FAM216A: variants seen among roughly 807,000 people sequenced by gnomAD.
FAM216A encodes family with sequence similarity 216 member A.
In FAM216A, 26 loss-of-function variants were observed where a neutral mutation model predicts 37.6. The ratio of observed to expected loss-of-function variants is 0.69; its 90% CI spans 0.51 to 0.96. The LOEUF is 0.96. FAM216A is among the 40% of genes least tolerant of loss of function. FAM216A has a pLI of 0.00. For missense variants in FAM216A, 326 were observed against 339.3 expected, an observed-to-expected ratio of 0.96 and a Z score of 0.31; for synonymous variants, 110 against 121.7, an observed-to-expected ratio of 0.90 and a Z score of 0.64.
chr12:110,470,406 T>G (rs2062678311), intron 1 of FAM216A, among the ~76,000 whole-genome samples: 1 of 151,962 alleles, frequency 6.6e-6, no homozygotes, highest in Non-Finnish European at 1.5e-5. Context: ...GATGGAGTCT[T>G]GGGTTTCTTT....
At chr12:110,483,134 G>A (rs547994489) in intron 2 of FAM216A, among the ~76,000 whole-genome samples, 2 of 151,596 alleles carry the variant, frequency 1.3e-5, no homozygotes, top group East Asian at 3.9e-4. Context: ...GACCATACTG[G>A]CTAACACAGT....
Position 110,490,149 on chromosome 12 carries a change from C to T in FAM216A, c.*12C>T, listed in dbSNP as rs201575705. On this transcript the variant is annotated 3_prime_UTR_variant, in exon 7 of 7. Coordinates refer to ENST00000377673, the MANE Select transcript of FAM216A (RefSeq NM_013300.3). The stretch of plus-strand genomic sequence containing the variant: ...TGATGTTAACTTGACAGTCTTGTCT[C>T]GTGTATTGAATTCGTGCCAAAGGTG... 2.4e-5 allele frequency: 31 copies of T among 1,315,388 alleles called. No individual in the cohort carries two copies. The highest frequency in any genetic ancestry group is 3.7e-4 in the Middle Eastern group (2 of 5,478). 81.5% of individuals were successfully genotyped at this position (1,315,388 alleles called of 1,614,324 possible).
chr12:110,475,684 G>A (rs372622166), intron 2 of FAM216A, among the ~76,000 whole-genome samples: 53 of 146,354 alleles, frequency 3.6e-4, no homozygotes, highest in African/African-American at 1.1e-3. Context: ...TGATCCTCTC[G>A]CCTCAGCTTC....
Position 110,485,058 on chromosome 12 carries a change from C to A in FAM216A, c.185-20C>A. On this transcript the variant is annotated intron_variant, in intron 2 of 6. Transcript: ENST00000377673. ...AACTGATCTTTGCCTCTGAAATTCA[C>A]ATGATGTCTTTGCCTACAGATAGAA... 1 of 1,592,026 alleles carries A rather than the reference C, an allele frequency of 6.3e-7. No individual in the cohort carries two copies. The highest frequency in any genetic ancestry group is 1.1e-5 in the South Asian group (1 of 86,964).
rs538743186 is a variant in FAM216A at position 110,480,752 on chromosome 12, C to T, written c.185-4326C>T. On this transcript the variant is annotated intron_variant, in intron 2 of 6. Coordinates refer to ENST00000377673, the MANE Select transcript of FAM216A (RefSeq NM_013300.3). ...ACTCCGTACCTATAAAACACTAACTCTCAGGTGGGTGCAGTGGCTCGTGTG... is the reference window on the plus strand; with the variant it reads ...ACTCCGTACCTATAAAACACTAACTTTCAGGTGGGTGCAGTGGCTCGTGTG... Among the ~76,000 whole-genome samples, 57 of 152,162 alleles carry T rather than the reference C, an allele frequency of 3.7e-4. 2 individuals are homozygous for T. Among genetic ancestry groups the T allele is most frequent in the Admixed American group, 3.3e-3 (50 of 15,276 alleles).
At chr12:110,474,757 T>G (rs2062706088) in intron 2 of FAM216A, among the ~76,000 whole-genome samples, 1 of 148,070 alleles carries the variant, frequency 6.8e-6, no homozygotes, top group South Asian at 2.1e-4. Context: ...ATCCCAGCAC[T>G]TTGGGAGGCT....
At chr12:110,486,296 AC>A in intron 3 of FAM216A, 28 bp from the exon 4 acceptor site, 1 of 1,559,124 alleles carries the variant, frequency 6.4e-7, no homozygotes, top group Non-Finnish European at 8.7e-7. Flanking sequence ...TACAATGCAG[AC>A]TATAAATCCT....
rs749507270 is a variant in FAM216A at position 110,487,861 on chromosome 12, G to A, written c.621G>A (p.Gly207=). 23 of 1,577,258 alleles carry A rather than the reference G, an allele frequency of 1.5e-5. No individual in the cohort carries two copies. Among genetic ancestry groups the A allele is most frequent in the Non-Finnish European group, 1.9e-5 (22 of 1,149,364 alleles). Residue 207 remains glycine, a splice_region_variant and synonymous_variant, in exon 6 of 7, where the codon GGG becomes GGA. Transcript: ENST00000377673. ...ACTAAGATACTTCCCTTTCTTATAGGATAAAAACTGGATATGCATCTAAAA... is the reference window on the plus strand; with the variant it reads ...ACTAAGATACTTCCCTTTCTTATAGAATAAAAACTGGATATGCATCTAAAA... ...SLWRPVRNKE[G]IKTGYASKTR...
At chr12:110,468,698 C>G, upstream of FAM216A, 1 of 1,520,804 alleles carries the variant, frequency 6.6e-7, no homozygotes, top group East Asian at 2.5e-5. Flanking sequence ...AAACGCTCAG[C>G]GACCGCAGCG....
At chr12:110,468,500 T>C (rs529971357), upstream of FAM216A, 3 of 1,537,176 alleles carry the variant, frequency 2.0e-6, no homozygotes, top group Non-Finnish European at 2.6e-6. Flanking sequence ...CAGATAAAGC[T>C]CCGCATCCTT....
chr12:110,485,905 A>T (rs572555827), intron 3 of FAM216A, among the ~76,000 whole-genome samples: 1 of 152,328 alleles, frequency 6.6e-6, no homozygotes, highest in South Asian at 2.1e-4. Context: ...ACAGTCAGTT[A>T]TTCTTCTGGT....
At chr12:110,482,811 A>G (rs941152240) in intron 2 of FAM216A, among the ~76,000 whole-genome samples, 4 of 151,412 alleles carry the variant, frequency 2.6e-5, no homozygotes, top group African/African-American at 9.7e-5. Flanking sequence ...AAAAAAAAAG[A>G]TAACCCAATG....
chr12:110,477,244 T>C (rs542119973), intron 2 of FAM216A, among the ~76,000 whole-genome samples: 1 of 152,356 alleles, frequency 6.6e-6, no homozygotes, highest in East Asian at 1.9e-4. Context: ...TGTAAAGTTA[T>C]GATTCTTACC....
chr12:110,473,033 A>G (rs1326532911), intron 1 of FAM216A, 45 bp from the exon 2 acceptor site: 12 of 940,754 alleles, frequency 1.3e-5, no homozygotes, highest in Non-Finnish European at 1.9e-5. Flanking sequence ...TGCTTGTAAC[A>G]TTGTAATTAT....
At chr12:110,484,317 C>T (rs541707294) in intron 2 of FAM216A, among the ~76,000 whole-genome samples, 32 of 148,146 alleles carry the variant, frequency 2.2e-4, no homozygotes, top group Admixed American at 4.2e-4. Flanking sequence ...GTCCCAGCTA[C>T]TCGGGAGACT....
intron 2 of FAM216A, among the ~76,000 whole-genome samples, chr12:110,478,923 T>C (rs768552100): frequency 1.3e-5 from 2 of 152,146 alleles, no homozygotes; most frequent in Non-Finnish European, 2.9e-5. Context: ...GCGCGGTGGC[T>C]CACGTCTGTA....
intron 1 of FAM216A, among the ~76,000 whole-genome samples, chr12:110,472,542 G>A (rs2062692442): frequency 6.6e-6 from 1 of 151,176 alleles, no homozygotes; most frequent in Non-Finnish European, 1.5e-5. Flanking sequence ...CTGGGTGAAG[G>A]AGGGAGACCC....
At chr12:110,475,337 G>A (rs2062708973) in intron 2 of FAM216A, among the ~76,000 whole-genome samples, 1 of 152,070 alleles carries the variant, frequency 6.6e-6, no homozygotes, top group South Asian at 2.1e-4. Context: ...GGTCTCCCAG[G>A]TTCAAGCGAT....
At chr12:110,484,591 ATAATGTATTATATATAAATAAAATATT>A (rs1565853476) in intron 2 of FAM216A, among the ~76,000 whole-genome samples, 1 of 151,678 alleles carries the variant, frequency 6.6e-6, no homozygotes, top group Non-Finnish European at 1.5e-5. Flanking sequence ...TGAGTTCAAA[ATAATGTATTATATATAAATAAAATATT>A]TATTTACAAG....
Sources: allele counts gnomAD v4.1 joint callset (sites outside exome capture counted in the v4.1 genomes callset), GRCh38; gene constraint gnomAD v4.1.1; transcripts MANE v1.5; gene names NCBI Gene and HGNC (gene_info 2026-07-23, HGNC 2026-07-21).